The following DDX60L variants were observed in gnomAD, a reference collection of about 807,000 sequenced individuals.
DDX60L encodes probable ATP-dependent RNA helicase DDX60-like.
Under a neutral mutation model 211.6 loss-of-function variants are expected in DDX60L, and 191 were observed. The observed-to-expected ratio is 0.90, with a 90% CI of 0.80 to 1.02. The LOEUF is 1.02. Ranked by LOEUF, DDX60L falls within the 50% of genes least tolerant of loss-of-function variation. DDX60L has a pLI of 0.00. For missense variants in DDX60L, 2,007 were observed against 1,984.1 expected, an observed-to-expected ratio of 1.01 and a Z score of -0.22; for synonymous variants, 706 against 694.1, an observed-to-expected ratio of 1.02 and a Z score of -0.27.
chr4:168,457,455 AAAG>A (rs947953877), intron 6 of DDX60L, among the ~76,000 whole-genome samples: 3 of 151,922 alleles, frequency 2.0e-5, no homozygotes, highest in Non-Finnish European at 4.4e-5. Flanking sequence ...AAAAAAAAAA[AAAG>A]AAAGAGGTGC....
At chr4:168,393,688 G>A (rs1745255484) in intron 28 of DDX60L, among the ~76,000 whole-genome samples, 1 of 152,126 alleles carries the variant, frequency 6.6e-6, no homozygotes, top group African/African-American at 2.4e-5. Context: ...TCATTTGGAG[G>A]TATCACATCT....
chr4:168,467,497 A>C (rs1354986275), intron 4 of DDX60L, among the ~76,000 whole-genome samples: 1 of 151,666 alleles, frequency 6.6e-6, no homozygotes, highest in African/African-American at 2.4e-5. Flanking sequence ...ACATCACTAC[A>C]AATCTTTAGG....
rs752013644 is a variant in DDX60L at position 168,400,836 on chromosome 4, G to A, written c.3481C>T (p.Gln1161Ter). The A allele has an allele frequency of 1.4e-5, 23 of 1,610,548 alleles. No individual in the cohort carries two copies. In the South Asian group the frequency reaches 2.4e-4, roughly 17 times the overall value. ...AACATTAATACTTACATCCTTTTCT[G>A]TGTCTTCCTCACTTTTTCAAGTACT... The part of the protein sequence containing the change: ...DEVLEKVRKT[Q>*]KRITKKNPKK... The change falls in exon 26 of 38, where the codon CAG becomes TAG. Residue 1161 changes from glutamine (Q) to a stop codon, truncating the protein, a stop_gained. Coordinates refer to ENST00000682922, the MANE Select transcript of DDX60L (RefSeq NM_001012967.3). LOFTEE classifies it high-confidence loss of function.
At chr4:168,450,417 T>C (rs895024607) in intron 8 of DDX60L, among the ~76,000 whole-genome samples, 3 of 149,832 alleles carry the variant, frequency 2.0e-5, no homozygotes, top group Non-Finnish European at 4.4e-5. Flanking sequence ...AAAACTCTGA[T>C]CTCCAAATGC....
intron 29 of DDX60L, among the ~76,000 whole-genome samples, chr4:168,388,082 G>C (rs956659867): frequency 2.6e-5 from 4 of 152,142 alleles, no homozygotes; most frequent in Admixed American, 2.6e-4. Flanking sequence ...AATACCTTCA[G>C]CATCTCTTGT....
intron 1 of DDX60L, among the ~76,000 whole-genome samples, chr4:168,477,216 C>T (rs973233583): frequency 2.6e-4 from 40 of 152,060 alleles, no homozygotes; most frequent in East Asian, 1.7e-3. Flanking sequence ...GAGATCGAGA[C>T]CATCCTGGCT....
chr4:168,372,584 G>C (rs1741212542), intron 35 of DDX60L, among the ~76,000 whole-genome samples: 1 of 151,954 alleles, frequency 6.6e-6, no homozygotes, highest in South Asian at 2.1e-4. Context: ...AAAATTAGCT[G>C]GGCATGCTGG....
At chr4:168,449,378 C>T (rs1421034959) in intron 8 of DDX60L, among the ~76,000 whole-genome samples, 1 of 140,216 alleles carries the variant, frequency 7.1e-6, no homozygotes, top group Non-Finnish European at 1.5e-5. Flanking sequence ...AAAAACCAAA[C>T]ACCGCATATT....
chr4:168,375,303 A>G (rs532004215), intron 34 of DDX60L, 74 bp downstream of exon 34: 18 of 1,483,864 alleles, frequency 1.2e-5, no homozygotes, highest in Admixed American at 2.0e-5. Context: ...TGAAGCATCC[A>G]ATATCCAGAG....
intron 10 of DDX60L, 44 bp from the exon 11 acceptor site, chr4:168,433,159 A>G (rs1752594652): frequency 1.6e-6 from 2 of 1,237,804 alleles, no homozygotes; most frequent in Admixed American, 2.2e-5. Flanking sequence ...AGGTGTAACT[A>G]TCCTATATGA....
At chr4:168,390,354 T>C (rs892026039) in intron 29 of DDX60L, 8 of 1,173,548 alleles carry the variant, frequency 6.8e-6, no homozygotes, top group Admixed American at 4.6e-5. Flanking sequence ...GGACTTCCTG[T>C]TTTTCATAAC....
intron 10 of DDX60L, among the ~76,000 whole-genome samples, chr4:168,440,727 C>A (rs958544389): frequency 1.3e-5 from 2 of 152,202 alleles, no homozygotes. Context: ...GTTTCCACAG[C>A]ACTCATTAGT....
At chr4:168,412,976 C>T (rs1748946361) in intron 22 of DDX60L, among the ~76,000 whole-genome samples, 1 of 152,198 alleles carries the variant, frequency 6.6e-6, no homozygotes. Flanking sequence ...GCTTGGGGTG[C>T]CCCCCAGTGC....
intron 13 of DDX60L, among the ~76,000 whole-genome samples, chr4:168,428,143 T>A (rs1412736097): frequency 6.6e-6 from 1 of 152,176 alleles, no homozygotes; most frequent in Non-Finnish European, 1.5e-5. Flanking sequence ...ATCCTTATGC[T>A]TGAAGCCAAG....
At chr4:168,457,142 G>A (rs1382738257) in intron 6 of DDX60L, among the ~76,000 whole-genome samples, 1 of 151,908 alleles carries the variant, frequency 6.6e-6, no homozygotes, top group African/African-American at 2.4e-5. Flanking sequence ...CCTGAGCCTG[G>A]GAGGTCAAGG....
At chr4:168,362,000 G>A (rs1329821972) in intron 36 of DDX60L, among the ~76,000 whole-genome samples, 1 of 152,216 alleles carries the variant, frequency 6.6e-6, no homozygotes, top group Non-Finnish European at 1.5e-5. Context: ...CTATGTGGCA[G>A]CCCACCACCC....
intron 17 of DDX60L, 39 bp from the exon 18 acceptor site, chr4:168,420,419 A>G (rs1750314259): frequency 6.3e-7 from 1 of 1,576,384 alleles, no homozygotes; most frequent in Admixed American, 1.9e-5. Flanking sequence ...CACTTAGTAG[A>G]GAAGAGACAT....
At chr4:168,439,938 C>T (rs1368095980) in intron 10 of DDX60L, among the ~76,000 whole-genome samples, 2 of 152,100 alleles carry the variant, frequency 1.3e-5, no homozygotes, top group South Asian at 2.1e-4. Context: ...TATAAACAGG[C>T]AAAACTCAGC....
intron 9 of DDX60L, among the ~76,000 whole-genome samples, chr4:168,445,691 G>T (rs979970847): frequency 1.5e-3 from 231 of 151,416 alleles, no homozygotes; most frequent in Non-Finnish European, 2.5e-3. Flanking sequence ...ATGATCAAGT[G>T]GGCTTCATCC....
Sources: gnomAD v4.1 joint callset for allele counts (sites outside exome capture counted in the v4.1 genomes callset) on GRCh38, gnomAD v4.1.1 for gene constraint, MANE v1.5 for transcripts, NCBI Gene and HGNC (gene_info 2026-07-23, HGNC 2026-07-21) for gene names.